SETBP1: variants seen among roughly 807,000 people sequenced by gnomAD.
SETBP1 encodes the protein SET binding protein 1.
SETBP1 carries 9 observed loss-of-function variants against 101.0 expected under a neutral mutation model. The ratio of observed to expected loss-of-function variants is 0.09; its 90% CI spans 0.05 to 0.16. The LOEUF (loss-of-function observed/expected upper bound fraction) is 0.16, where lower values mean the gene tolerates loss of function less well. SETBP1 is among the 10% of genes least tolerant of loss of function. The pLI is 1.00. For missense variants in SETBP1, 1,858 were observed against 2,033.8 expected (o/e 0.91, Z 1.66); for synonymous variants, 818 against 788.5 (o/e 1.04, Z -0.63).
intron 2 of SETBP1, among the ~76,000 whole-genome samples, chr18:44,867,422 T>G (rs936755523): frequency 1.3e-5 from 2 of 152,236 alleles, no homozygotes; most frequent in Non-Finnish European, 2.9e-5. Context: ...AAGCTCCATC[T>G]TATTTCAACA....
intron 4 of SETBP1, among the ~76,000 whole-genome samples, chr18:44,995,709 C>T (rs1253339632): frequency 6.6e-6 from 1 of 152,138 alleles, no homozygotes; most frequent in Non-Finnish European, 1.5e-5. Flanking sequence ...GGATCAGTGT[C>T]TGCCAAGGAC....
intron 2 of SETBP1, among the ~76,000 whole-genome samples, chr18:44,721,687 C>T (rs1007744710): frequency 7.9e-5 from 12 of 152,232 alleles, no homozygotes; most frequent in African/African-American, 2.2e-4. Flanking sequence ...CTATGTTACC[C>T]GCTTTAAATA....
chr18:44,977,044 A>T (rs2072004275), intron 4 of SETBP1, among the ~76,000 whole-genome samples: 2 of 152,176 alleles, frequency 1.3e-5, no homozygotes, highest in African/African-American at 4.8e-5. Context: ...AACCTGTAAT[A>T]AATCATCAAT....
chr18:44,913,310 A>T (rs1030531375), intron 3 of SETBP1, among the ~76,000 whole-genome samples: 7 of 152,346 alleles, frequency 4.6e-5, no homozygotes, highest in Admixed American at 4.6e-4. Context: ...AGGCAGTTTC[A>T]TTACATCACC....
intron 4 of SETBP1, among the ~76,000 whole-genome samples, chr18:44,966,146 A>G (rs1264331324): frequency 6.6e-6 from 1 of 152,272 alleles, no homozygotes; most frequent in African/African-American, 2.4e-5. Flanking sequence ...TAAGTAAATG[A>G]ATAATTGATG....
At chr18:44,983,263 C>T (rs895056846) in intron 4 of SETBP1, among the ~76,000 whole-genome samples, 3 of 152,254 alleles carry the variant, frequency 2.0e-5, no homozygotes, top group South Asian at 4.1e-4. Context: ...AACAGGTACA[C>T]GTAGCCTCCT....
chr18:44,849,029 C>T (rs2072790844), intron 2 of SETBP1, among the ~76,000 whole-genome samples: 1 of 152,210 alleles, frequency 6.6e-6, no homozygotes, highest in South Asian at 2.1e-4. Context: ...TCTCCCCATT[C>T]TCATGCATTT....
chr18:44,929,063 G>A (rs1490862731), intron 3 of SETBP1, among the ~76,000 whole-genome samples: 1 of 152,070 alleles, frequency 6.6e-6, no homozygotes, highest in Admixed American at 6.5e-5. Context: ...TATGGCTTTA[G>A]GTCTAACATT....
At chr18:44,761,549 C>T (rs2070646441) in intron 2 of SETBP1, among the ~76,000 whole-genome samples, 1 of 152,226 alleles carries the variant, frequency 6.6e-6, no homozygotes. Flanking sequence ...TTGATCCTAA[C>T]ATTCTTTACA....
chr18:44,848,028 G>A (rs1047505052), intron 2 of SETBP1, among the ~76,000 whole-genome samples: 1 of 152,008 alleles, frequency 6.6e-6, no homozygotes, highest in South Asian at 2.1e-4. Context: ...TTCAGGGCCA[G>A]ACCTCACCCT....
intron 2 of SETBP1, among the ~76,000 whole-genome samples, chr18:44,777,671 A>T (rs1324521277): frequency 1.3e-5 from 2 of 152,212 alleles, no homozygotes; most frequent in Non-Finnish European, 2.9e-5. Context: ...CCCGTCAAGG[A>T]GGAAAGCAGG....
chr18:44,731,141 A>T (rs1479929641), intron 2 of SETBP1, among the ~76,000 whole-genome samples: 3 of 151,576 alleles, frequency 2.0e-5, no homozygotes, highest in Non-Finnish European at 4.4e-5. Context: ...TGTACTTTCC[A>T]GCCAGCATGG....
chr18:45,038,132 C>T (rs1037587039), intron 4 of SETBP1, among the ~76,000 whole-genome samples: 2 of 152,130 alleles, frequency 1.3e-5, no homozygotes, highest in South Asian at 4.2e-4. Flanking sequence ...GTCTCTTCCA[C>T]TCTGAACTCC....
chr18:44,933,745 G>A (rs565425178), intron 3 of SETBP1, among the ~76,000 whole-genome samples: 14 of 152,224 alleles, frequency 9.2e-5, no homozygotes, highest in South Asian at 2.1e-4. Context: ...GGTACCCTCC[G>A]AGCCAGGCAC....
intron 3 of SETBP1, among the ~76,000 whole-genome samples, chr18:44,933,436 A>T (rs1159740770): frequency 1.3e-5 from 2 of 152,204 alleles, no homozygotes; most frequent in Non-Finnish European, 2.9e-5. Flanking sequence ...CCATTCTCAG[A>T]TCTCAAACTC....
intron 4 of SETBP1, among the ~76,000 whole-genome samples, chr18:44,984,345 C>T (rs1258172685): frequency 6.6e-6 from 1 of 152,148 alleles, no homozygotes; most frequent in Non-Finnish European, 1.5e-5. Context: ...AACTGTTCCA[C>T]CTCAGATCAT....
intron 2 of SETBP1, among the ~76,000 whole-genome samples, chr18:44,860,674 G>A (rs1291324): frequency 2.0e-5 from 3 of 151,646 alleles, no homozygotes; most frequent in Admixed American, 1.3e-4. Flanking sequence ...TTGAACCCTC[G>A]AGGCAGAGGT....
chr18:44,819,271 G>A (rs1430140679), intron 2 of SETBP1, among the ~76,000 whole-genome samples: 1 of 152,118 alleles, frequency 6.6e-6, no homozygotes, highest in African/African-American at 2.4e-5. Flanking sequence ...CCAGACACCA[G>A]ATACACGCAA....
intron 3 of SETBP1, among the ~76,000 whole-genome samples, chr18:44,873,772 A>G (rs1385671129): frequency 6.6e-6 from 1 of 152,222 alleles, no homozygotes; most frequent in Non-Finnish European, 1.5e-5. Flanking sequence ...TAAAGTCTGA[A>G]AAATAAATTA....
Sources: gnomAD v4.1 joint callset for allele counts (sites outside exome capture counted in the v4.1 genomes callset) on GRCh38, gnomAD v4.1.1 for gene constraint, MANE v1.5 for transcripts, NCBI Gene and HGNC (gene_info 2026-07-23, HGNC 2026-07-21) for gene names.